KLHL29: variants seen among roughly 807,000 people sequenced by gnomAD.
KLHL29 encodes the protein kelch like family member 29.
KLHL29 carries 21 observed loss-of-function variants against 80.4 expected under a neutral mutation model. The observed-to-expected ratio is 0.26, with a 90% CI of 0.19 to 0.38. The LOEUF (loss-of-function observed/expected upper bound fraction) is 0.38, where lower values mean the gene tolerates loss of function less well. Ranked by LOEUF, KLHL29 falls within the 10% of genes least tolerant of loss-of-function variation. The pLI, the probability that KLHL29 is intolerant of heterozygous loss-of-function variation, is 1.00. For synonymous variants in KLHL29, 511 were observed against 526.8 expected (o/e 0.97, Z 0.41); for missense variants, 867 against 1,223.9 (o/e 0.71, Z 4.35).
At chr2:23,411,941 T>A (rs1479783861) in intron 1 of KLHL29, among the ~76,000 whole-genome samples, 1 of 152,128 alleles carries the variant, frequency 6.6e-6, no homozygotes, top group Non-Finnish European at 1.5e-5. Flanking sequence ...GACTTTTAGT[T>A]CCTTTGGGCA....
chr2:23,645,581 A>G (rs968584875), intron 5 of KLHL29, among the ~76,000 whole-genome samples: 6 of 152,162 alleles, frequency 3.9e-5, no homozygotes, highest in Admixed American at 6.5e-5. Flanking sequence ...ATTCCCTGCT[A>G]TTGTTTGACG....
At chr2:23,705,390 G>C (rs1367691773) in intron 13 of KLHL29, among the ~76,000 whole-genome samples, 1 of 152,142 alleles carries the variant, frequency 6.6e-6, no homozygotes, top group Non-Finnish European at 1.5e-5. Context: ...AACTCAGGAG[G>C]CTGAGGCAGG....
intron 11 of KLHL29, among the ~76,000 whole-genome samples, 165 bp from the exon 12 acceptor site, chr2:23,703,021 G>A (rs1231003470): frequency 3.9e-5 from 6 of 152,230 alleles, no homozygotes; most frequent in African/African-American, 1.4e-4. Context: ...GACCCCAGGA[G>A]GTCTTGAGTG....
intron 11 of KLHL29, among the ~76,000 whole-genome samples, chr2:23,699,199 G>T (rs923686452): frequency 2.5e-4 from 38 of 152,306 alleles, no homozygotes; most frequent in African/African-American, 8.9e-4. Context: ...AGCTTCCTGG[G>T]CTCTGGGCTG....
At chr2:23,488,480 G>A (rs901096071) in intron 2 of KLHL29, among the ~76,000 whole-genome samples, 1 of 152,206 alleles carries the variant, frequency 6.6e-6, no homozygotes, top group Non-Finnish European at 1.5e-5. Flanking sequence ...TCCCCATTGC[G>A]GGATTACAGA....
chr2:23,515,800 A>G (rs1477678310), intron 2 of KLHL29, among the ~76,000 whole-genome samples: 6 of 152,290 alleles, frequency 3.9e-5, no homozygotes, highest in Non-Finnish European at 8.8e-5. Flanking sequence ...CAAAGAAACC[A>G]CAAGGACTAG....
chr2:23,652,389 C>T (rs1367148843), intron 5 of KLHL29, among the ~76,000 whole-genome samples: 1 of 152,240 alleles, frequency 6.6e-6, no homozygotes, highest in East Asian at 1.9e-4. Flanking sequence ...AGAGCTGTCT[C>T]TTCGTGTAAC....
At chr2:23,673,762 ACAT>A in intron 5 of KLHL29, among the ~76,000 whole-genome samples, 1 of 151,040 alleles carries the variant, frequency 6.6e-6, no homozygotes. Context: ...CACCCACACA[ACAT>A]GCTCTCACAC....
intron 11 of KLHL29, among the ~76,000 whole-genome samples, chr2:23,698,456 A>C (rs972728810): frequency 1.3e-5 from 2 of 152,208 alleles, no homozygotes; most frequent in Non-Finnish European, 2.9e-5. Context: ...ATTCAGGGTG[A>C]CAGGAAGGTC....
chr2:23,683,028 G>A (rs1229693262), intron 5 of KLHL29, among the ~76,000 whole-genome samples: 1 of 152,250 alleles, frequency 6.6e-6, no homozygotes, highest in African/African-American at 2.4e-5. Flanking sequence ...AAAAGGGCCT[G>A]CCTGGCAATC....
At chr2:23,626,598 C>A (rs1195681197) in intron 3 of KLHL29, among the ~76,000 whole-genome samples, 1 of 152,230 alleles carries the variant, frequency 6.6e-6, no homozygotes, top group Non-Finnish European at 1.5e-5. Context: ...CCTGTGCACT[C>A]CCCTAGGCCA....
At chr2:23,600,538 C>T (rs532370249) in intron 3 of KLHL29, among the ~76,000 whole-genome samples, 84 of 152,300 alleles carry the variant, frequency 5.5e-4, no homozygotes, top group African/African-American at 2.0e-3. Flanking sequence ...TTGAACATCA[C>T]GCCTGTCTGG....
intron 5 of KLHL29, among the ~76,000 whole-genome samples, chr2:23,656,512 C>T (rs1053002954): frequency 6.6e-6 from 1 of 152,208 alleles, no homozygotes; most frequent in African/African-American, 2.4e-5. Context: ...TTCCTTCACC[C>T]GACTTCTGGG....
intron 2 of KLHL29, among the ~76,000 whole-genome samples, chr2:23,529,780 C>T (rs1308885484): frequency 6.6e-6 from 1 of 152,214 alleles, no homozygotes; most frequent in African/African-American, 2.4e-5. Context: ...TTCATGGAGG[C>T]AGGGCTGAGC....
intron 2 of KLHL29, among the ~76,000 whole-genome samples, chr2:23,478,018 G>A (rs529915037): frequency 6.6e-6 from 1 of 152,284 alleles, no homozygotes; most frequent in Non-Finnish European, 1.5e-5. Flanking sequence ...GAGGGACTTT[G>A]AGGGCAGTTT....
intron 2 of KLHL29, among the ~76,000 whole-genome samples, chr2:23,535,942 AAAG>A (rs775753313): frequency 1.3e-5 from 2 of 152,248 alleles, no homozygotes; most frequent in Non-Finnish European, 2.9e-5. Context: ...TAAAAAGAAT[AAAG>A]AAGAGCAACG....
chr2:23,546,415 A>C (rs1572392174), intron 2 of KLHL29, among the ~76,000 whole-genome samples: 1 of 152,160 alleles, frequency 6.6e-6, no homozygotes, highest in Admixed American at 6.5e-5. Context: ...GCTGAGCTGG[A>C]GGAGGAGTGA....
In KLHL29 at chr2:23,485,467, A is replaced by G. The variant is rs1664910011; in HGVS notation, c.-46+9800A>G. Among the ~76,000 whole-genome samples, 4 of 152,174 alleles carry G rather than the reference A, an allele frequency of 2.6e-5. No individual in the cohort carries two copies. The South Asian group carries it at 8.3e-4, about 31-fold the overall frequency. ...GTGACGCACTGACCCTGCTCTCCCAAGGCCACCACCCCTGGGGACATGGTG... is the reference window on the plus strand; with the variant it reads ...GTGACGCACTGACCCTGCTCTCCCAGGGCCACCACCCCTGGGGACATGGTG... On this transcript the variant is annotated intron_variant, in intron 2 of 13. Coordinates refer to ENST00000486442, the MANE Select transcript of KLHL29 (RefSeq NM_052920.2).
chr2:23,480,399 G>A (rs762165811), intron 2 of KLHL29, among the ~76,000 whole-genome samples: 5 of 152,016 alleles, frequency 3.3e-5, no homozygotes, highest in Non-Finnish European at 7.4e-5. Context: ...AGGCAGGAGA[G>A]TTGCTTGAAA....
Sources: allele counts gnomAD v4.1 joint callset (sites outside exome capture counted in the v4.1 genomes callset), GRCh38; gene constraint gnomAD v4.1.1; transcripts MANE v1.5; gene names NCBI Gene and HGNC (gene_info 2026-07-23, HGNC 2026-07-21).